TMEM232: variants seen among roughly 807,000 people sequenced by gnomAD.
TMEM232 encodes transmembrane protein 232.
Under a neutral mutation model 78.8 loss-of-function variants are expected in TMEM232, and 80 were observed. The ratio of observed to expected loss-of-function variants is 1.01; its 90% CI spans 0.85 to 1.22. The LOEUF is 1.22. Ranked by LOEUF, TMEM232 falls within the 50% of genes most tolerant of loss-of-function variation. TMEM232 has a pLI of 0.00. For synonymous variants in TMEM232, 297 were observed against 254.3 expected, an observed-to-expected ratio of 1.17 and a Z score of -1.60; for missense variants, 881 against 742.2, an observed-to-expected ratio of 1.19 and a Z score of -2.17.
chr5:110,416,955 T>G (rs530877708), downstream of TMEM232, among the ~76,000 whole-genome samples: 1 of 152,350 alleles, frequency 6.6e-6, no homozygotes, highest in Non-Finnish European at 1.5e-5. Context: ...AAGCTTATGT[T>G]CATGCTTCTG....
chr5:110,468,898 A>G (rs1762376840), intron 12 of TMEM232, among the ~76,000 whole-genome samples: 2 of 152,202 alleles, frequency 1.3e-5, no homozygotes, highest in Non-Finnish European at 2.9e-5. Flanking sequence ...GAGTACCAGA[A>G]ACCATGTAGA....
intron 2 of TMEM232, among the ~76,000 whole-genome samples, chr5:110,413,160 C>T (rs1756060460): frequency 6.6e-6 from 1 of 152,122 alleles, no homozygotes; most frequent in African/African-American, 2.4e-5. Context: ...ATCTAATCAG[C>T]TGCCAGTGCA....
At chr5:110,447,969 A>G (rs1759849122) in intron 12 of TMEM232, among the ~76,000 whole-genome samples, 1 of 152,132 alleles carries the variant, frequency 6.6e-6, no homozygotes, top group African/African-American at 2.4e-5. Context: ...TCATTGAAGA[A>G]GTATTCAAAG....
At chr5:110,706,363 T>C (rs1483402950) in intron 1 of TMEM232, among the ~76,000 whole-genome samples, 1 of 152,162 alleles carries the variant, frequency 6.6e-6, no homozygotes, top group African/African-American at 2.4e-5. Flanking sequence ...TTCTTTTCTA[T>C]TGTCTTTACC....
chr5:110,412,523 A>G (rs981440369), intron 2 of TMEM232, among the ~76,000 whole-genome samples: 2 of 151,960 alleles, frequency 1.3e-5, no homozygotes, highest in African/African-American at 2.4e-5. Context: ...AAAAAAATCA[A>G]CACCACTGTA....
chr5:110,388,601 A>T (rs528333925), intron 4 of TMEM232, among the ~76,000 whole-genome samples: 1 of 152,334 alleles, frequency 6.6e-6, no homozygotes, highest in African/African-American at 2.4e-5. Flanking sequence ...TGCACTATGC[A>T]TATGGGCAAG....
intron 10 of TMEM232, among the ~76,000 whole-genome samples, chr5:110,593,217 T>C (rs1178610217): frequency 6.6e-6 from 1 of 152,164 alleles, no homozygotes; most frequent in African/African-American, 2.4e-5. Context: ...GATGCCATTA[T>C]AGGTAAAAAG....
chr5:110,510,154 T>C (rs1486712588), intron 12 of TMEM232, among the ~76,000 whole-genome samples: 1 of 152,168 alleles, frequency 6.6e-6, no homozygotes, highest in African/African-American at 2.4e-5. Flanking sequence ...GTCACATTTA[T>C]TCAAATGACT....
In TMEM232 at chr5:110,401,130, G is replaced by A. The variant is rs539032991; in HGVS notation, n.309-3276C>T. Among the ~76,000 whole-genome samples the A allele has an allele frequency of 7.9e-5, 12 of 152,086 alleles. No individual in the cohort carries two copies. The East Asian group carries it at 1.4e-3, about 17-fold the overall frequency. On this transcript the variant is annotated intron_variant and non_coding_transcript_variant, in intron 2 of 8. Transcript: ENST00000507188. ...TTGGAAACTACCTGTCCAAAGCCAC[G>A]GTAGTTTGACTAATGGATCTGAACA...
intron 8 of TMEM232, among the ~76,000 whole-genome samples, chr5:110,612,292 T>C (rs1782404261): frequency 6.6e-6 from 1 of 152,172 alleles, no homozygotes; most frequent in Non-Finnish European, 1.5e-5. Context: ...CGCTGTATGA[T>C]AATGTAGCAG....
intron 7 of TMEM232, among the ~76,000 whole-genome samples, chr5:110,620,858 C>CTTTTTTTT (rs558332663): frequency 4.6e-5 from 4 of 87,452 alleles, no homozygotes; most frequent in African/African-American, 1.7e-4. Flanking sequence ...ATTTCAAGCG[C>CTTTTTTTT]TTTTTTTTTT....
intron 2 of TMEM232, among the ~76,000 whole-genome samples, chr5:110,652,233 A>G (rs1382135531): frequency 6.6e-6 from 1 of 151,268 alleles, no homozygotes; most frequent in Non-Finnish European, 1.5e-5. Flanking sequence ...AATTCAATTC[A>G]ATTTGATTTC....
chr5:110,693,172 C>T (rs1303295372), intron 1 of TMEM232, among the ~76,000 whole-genome samples: 1 of 152,202 alleles, frequency 6.6e-6, no homozygotes, highest in Non-Finnish European at 1.5e-5. Context: ...GCAGCCACTG[C>T]TGCTGACACC....
At chr5:110,562,415 C>T (rs899217731) in intron 11 of TMEM232, among the ~76,000 whole-genome samples, 1 of 152,094 alleles carries the variant, frequency 6.6e-6, no homozygotes, top group African/African-American at 2.4e-5. Flanking sequence ...GACCCTGCCA[C>T]TTTGCACCAT....
At chr5:110,616,280 T>C (rs1196438071) in intron 8 of TMEM232, among the ~76,000 whole-genome samples, 1 of 152,000 alleles carries the variant, frequency 6.6e-6, no homozygotes, top group Non-Finnish European at 1.5e-5. Context: ...TTATGGTCAA[T>C]TCATTTTTGA....
chr5:110,590,979 C>T (rs772814667), intron 10 of TMEM232, among the ~76,000 whole-genome samples: 7 of 151,572 alleles, frequency 4.6e-5, no homozygotes, highest in Non-Finnish European at 7.4e-5. Flanking sequence ...CCTCCCTAGA[C>T]ACATGGAGAT....
At chr5:110,556,544 C>T (rs112576700) in intron 11 of TMEM232, among the ~76,000 whole-genome samples, 6,364 of 152,070 alleles carry the variant, frequency 0.042, 433 homozygotes, top group African/African-American at 0.15. Context: ...TGCACCACCA[C>T]GCCCAGCTAA....
Position 110,542,306 on chromosome 5 carries a change from A to T in TMEM232, c.1456-13471T>A, listed in dbSNP as rs147706012. On this transcript the variant is annotated intron_variant, in intron 11 of 13. Coordinates refer to ENST00000455884, the MANE Select transcript of TMEM232 (RefSeq NM_001039763.4). The stretch of plus-strand genomic sequence containing the variant: ...TGGATGGAACCACTTCCTTTGTACT[A>T]ACTAAGCAGAATGTTTTAATTCAGT... 6.0e-4 allele frequency among the ~76,000 whole-genome samples: 91 copies of T among 151,762 alleles called. 1 individual carries two copies. The East Asian group carries it at 0.013, about 22-fold the overall frequency.
intron 10 of TMEM232, among the ~76,000 whole-genome samples, chr5:110,585,590 T>A (rs926516965): frequency 4.6e-5 from 7 of 152,128 alleles, no homozygotes; most frequent in Middle Eastern, 3.2e-3. Flanking sequence ...TCTTAGAATA[T>A]TTGGCCACAG....
Sources: allele counts gnomAD v4.1 joint callset (sites outside exome capture counted in the v4.1 genomes callset), GRCh38; gene constraint gnomAD v4.1.1; transcripts MANE v1.5; gene names NCBI Gene and HGNC (gene_info 2026-07-23, HGNC 2026-07-21).